The following CLVS1 variants were observed in gnomAD, a reference collection of about 807,000 sequenced individuals.
The protein encoded by CLVS1 is clavesin 1, also known as clavesin-1.
A neutral mutation model predicts 33.1 loss-of-function variants in CLVS1; 10 were observed. The ratio of observed to expected loss-of-function variants is 0.30; its 90% CI spans 0.19 to 0.51. The LOEUF (loss-of-function observed/expected upper bound fraction) is 0.51, where lower values mean the gene tolerates loss of function less well. CLVS1 is among the 20% of genes least tolerant of loss of function. CLVS1 has a pLI of 0.97. For synonymous variants in CLVS1, 163 were observed against 166.1 expected (o/e 0.98, Z 0.14); for missense variants, 343 against 433.4 (o/e 0.79, Z 1.85).
At chr8:61,035,792 C>T in the CLVS1 span, among the ~76,000 whole-genome samples, 2 of 152,164 alleles carry the variant, frequency 1.3e-5, no homozygotes, top group African/African-American at 4.8e-5. Context: ...AAATCTTCCC[C>T]TCCTCAAATC....
At chr8:61,284,409 G>A (rs1177935471), upstream of CLVS1, among the ~76,000 whole-genome samples, 1 of 152,146 alleles carries the variant, frequency 6.6e-6, no homozygotes, top group Non-Finnish European at 1.5e-5. Context: ...AAATGTTTAA[G>A]GTGATAAATG....
At chr8:61,468,764 C>CCTCATTCAG (rs1318665894) in intron 5 of CLVS1, among the ~76,000 whole-genome samples, 1 of 149,528 alleles carries the variant, frequency 6.7e-6, no homozygotes, top group Non-Finnish European at 1.5e-5. Flanking sequence ...GCTATTTCAG[C>CCTCATTCAG]CTCATTCAGC....
chr8:61,448,013 T>A (rs1445123033), intron 3 of CLVS1, among the ~76,000 whole-genome samples: 1 of 152,118 alleles, frequency 6.6e-6, no homozygotes, highest in East Asian at 1.9e-4. Flanking sequence ...TTGAAGAGCA[T>A]TTTTACTAGA....
chr8:61,435,325 C>A (rs925580882), intron 3 of CLVS1, among the ~76,000 whole-genome samples: 1 of 152,102 alleles, frequency 6.6e-6, no homozygotes, highest in African/African-American at 2.4e-5. Flanking sequence ...TTTTAGGAAG[C>A]ACTTCTGCTT....
intron 2 of CLVS1, among the ~76,000 whole-genome samples, chr8:61,303,811 A>C (rs909125079): frequency 2.0e-5 from 3 of 152,198 alleles, no homozygotes; most frequent in Non-Finnish European, 2.9e-5. Flanking sequence ...GACATAACGC[A>C]CTGAAAAAAC....
chr8:61,175,194 A>T (rs1165483141), intron 2 of CLVS1, among the ~76,000 whole-genome samples: 1 of 152,216 alleles, frequency 6.6e-6, no homozygotes, highest in African/African-American at 2.4e-5. Flanking sequence ...TTAAAACCTA[A>T]TCTCAATGTG....
the CLVS1 span, among the ~76,000 whole-genome samples, chr8:61,044,187 G>A: frequency 2.6e-5 from 4 of 152,184 alleles, 1 homozygote; most frequent in South Asian, 8.3e-4. Flanking sequence ...AGAATGGGAT[G>A]TTGAGTAACA....
intron 5 of CLVS1, 106 bp from the exon 6 acceptor site, chr8:61,499,349 A>G: frequency 1.4e-6 from 1 of 706,116 alleles, no homozygotes; most frequent in Non-Finnish European, 2.5e-6. Flanking sequence ...TTAATTTTTG[A>G]GTGTCTATTA....
At chr8:60,975,162 A>G in the CLVS1 span, among the ~76,000 whole-genome samples, 1 of 152,192 alleles carries the variant, frequency 6.6e-6, no homozygotes, top group Non-Finnish European at 1.5e-5. Flanking sequence ...TAGATGAGAG[A>G]AAAAAGCACA....
At chr8:61,450,416 G>A (rs958210649) in intron 3 of CLVS1, among the ~76,000 whole-genome samples, 2 of 152,160 alleles carry the variant, frequency 1.3e-5, no homozygotes, top group African/African-American at 2.4e-5. Context: ...GCCATAAAAT[G>A]AAAGCTACTA....
intron 2 of CLVS1, among the ~76,000 whole-genome samples, chr8:61,261,882 C>A (rs1217100194): frequency 6.6e-6 from 1 of 152,128 alleles, no homozygotes; most frequent in Non-Finnish European, 1.5e-5. Context: ...GGACTCCATG[C>A]TGCATGTTCT....
At chr8:61,408,597 T>G (rs1016162611) in intron 3 of CLVS1, among the ~76,000 whole-genome samples, 3 of 152,230 alleles carry the variant, frequency 2.0e-5, no homozygotes, top group African/African-American at 7.2e-5. Flanking sequence ...GGAGTTCTTA[T>G]ATTTTACATG....
the CLVS1 span, among the ~76,000 whole-genome samples, chr8:60,981,016 G>T: frequency 6.6e-6 from 1 of 152,212 alleles, no homozygotes; most frequent in Non-Finnish European, 1.5e-5. Flanking sequence ...ACCACCAGCA[G>T]CTGGAAGAGG....
At chr8:61,142,852 C>A (rs991786281) in intron 2 of CLVS1, among the ~76,000 whole-genome samples, 1 of 152,204 alleles carries the variant, frequency 6.6e-6, no homozygotes, top group Non-Finnish European at 1.5e-5. Context: ...GTGAACCCAG[C>A]TTTCAAACCT....
At chr8:61,074,977 C>T (rs1804882417) in intron 1 of CLVS1, among the ~76,000 whole-genome samples, 1 of 152,176 alleles carries the variant, frequency 6.6e-6, no homozygotes, top group South Asian at 2.1e-4. Context: ...GAAAATCATC[C>T]TCCCCCCCCT....
At position 61,214,336 on chromosome 8, in the gene CLVS1, C is replaced by T. The variant is rs139982675; in HGVS notation, c.-152+82476C>T. Among the ~76,000 whole-genome samples, 703 of 152,264 alleles carry T rather than the reference C, an allele frequency of 4.6e-3. 10 individuals are homozygous for T. The highest frequency in any genetic ancestry group is 0.016 in the African/African-American group (658 of 41,548). Reference sequence around the variant, plus strand: ...CCTAATAAAAACTTGCTGGTTTTTGCGGCTTGTGGGGCATCATGGAACCTA... The same window carrying T: ...CCTAATAAAAACTTGCTGGTTTTTGTGGCTTGTGGGGCATCATGGAACCTA... On this transcript the variant is annotated intron_variant, in intron 2 of 2. Transcript: ENST00000522621.
At chr8:61,351,130 G>C (rs1270716198) in intron 2 of CLVS1, among the ~76,000 whole-genome samples, 2 of 151,860 alleles carry the variant, frequency 1.3e-5, no homozygotes, top group African/African-American at 2.4e-5. Flanking sequence ...GAGCATCCCA[G>C]GATGTTCTAA....
chr8:61,068,197 A>G (rs1253547775), intron 1 of CLVS1, among the ~76,000 whole-genome samples: 2 of 120,682 alleles, frequency 1.7e-5, no homozygotes, highest in African/African-American at 8.4e-5. Context: ...ATATGTGTAT[A>G]TGTATATATA....
chr8:61,003,994 A>T, the CLVS1 span, among the ~76,000 whole-genome samples: 1 of 152,190 alleles, frequency 6.6e-6, no homozygotes, highest in Non-Finnish European at 1.5e-5. Context: ...AGGGGGTGGC[A>T]TTTGAGCAGG....
Sources: allele counts gnomAD v4.1 joint callset (sites outside exome capture counted in the v4.1 genomes callset), GRCh38; gene constraint gnomAD v4.1.1; transcripts MANE v1.5; gene names NCBI Gene and HGNC (gene_info 2026-07-23, HGNC 2026-07-21).